Variants in DLGAP2 observed in about 807,000 individuals in gnomAD.
DLGAP2 encodes the protein disks large-associated protein 2.
A neutral mutation model predicts 100.3 loss-of-function variants in DLGAP2; 26 were observed. That is an observed-to-expected ratio of 0.26 (90% CI 0.19 to 0.36). The LOEUF (loss-of-function observed/expected upper bound fraction) is 0.36, where lower values mean the gene tolerates loss of function less well. DLGAP2 is among the 10% of genes least tolerant of loss of function. The pLI, the probability that DLGAP2 is intolerant of heterozygous loss-of-function variation, is 1.00. For synonymous variants in DLGAP2, 886 were observed against 630.1 expected, an observed-to-expected ratio of 1.41 and a Z score of -6.08; for missense variants, 1,858 against 1,453.2, an observed-to-expected ratio of 1.28 and a Z score of -4.53.
chr8:1,171,882 C>T (rs1797136240), intron 2 of DLGAP2, among the ~76,000 whole-genome samples: 1 of 152,122 alleles, frequency 6.6e-6, no homozygotes, highest in Non-Finnish European at 1.5e-5. Flanking sequence ...AGTCCATGTA[C>T]ATTTAAAGTT....
chr8:1,342,670 T>G (rs1801444689), intron 3 of DLGAP2, among the ~76,000 whole-genome samples: 1 of 152,224 alleles, frequency 6.6e-6, no homozygotes. Flanking sequence ...CTGTTATTTC[T>G]CATCCCTAAC....
chr8:749,829 G>A (rs78683197), intron 1 of DLGAP2, among the ~76,000 whole-genome samples: 8,471 of 152,228 alleles, frequency 0.056, 446 homozygotes, highest in Admixed American at 0.16. Context: ...AAGGTATCCT[G>A]GGGCCTGCTC....
At chr8:857,789 T>C (rs1411304856) in intron 1 of DLGAP2, among the ~76,000 whole-genome samples, 1 of 152,044 alleles carries the variant, frequency 6.6e-6, no homozygotes, top group Non-Finnish European at 1.5e-5. Flanking sequence ...ACAGTGCACA[T>C]TTGCCATGCC....
chr8:955,795 C>G (rs921802313), intron 2 of DLGAP2, among the ~76,000 whole-genome samples: 1 of 152,164 alleles, frequency 6.6e-6, no homozygotes, highest in African/African-American at 2.4e-5. Context: ...TTCCCAATAT[C>G]TTACCTTGTT....
intron 3 of DLGAP2, among the ~76,000 whole-genome samples, chr8:1,436,373 A>G (rs1797629097): frequency 6.6e-6 from 1 of 152,208 alleles, no homozygotes; most frequent in African/African-American, 2.4e-5. Flanking sequence ...TGGAAGACTC[A>G]GCCAGTCCAG....
chr8:1,311,053 A>T (rs1175906699), intron 3 of DLGAP2, among the ~76,000 whole-genome samples: 1 of 152,210 alleles, frequency 6.6e-6, no homozygotes, highest in Non-Finnish European at 1.5e-5. Context: ...CAAAGAAAAA[A>T]AAAAGAGAAC....
At chr8:1,279,917 A>G (rs921891408) in intron 3 of DLGAP2, among the ~76,000 whole-genome samples, 1 of 152,206 alleles carries the variant, frequency 6.6e-6, no homozygotes, top group East Asian at 1.9e-4. Flanking sequence ...ACACGTTCAC[A>G]CACAGGCTTG....
intron 2 of DLGAP2, among the ~76,000 whole-genome samples, chr8:926,892 G>A (rs1798827861): frequency 6.6e-6 from 1 of 152,250 alleles, no homozygotes; most frequent in Non-Finnish European, 1.5e-5. Context: ...CAGGAGCGGA[G>A]CGAGCCTCGT....
At chr8:1,489,946 C>T (rs1799331701) in intron 3 of DLGAP2, among the ~76,000 whole-genome samples, 1 of 152,082 alleles carries the variant, frequency 6.6e-6, no homozygotes, top group African/African-American at 2.4e-5. Flanking sequence ...GGCTGGAGTG[C>T]AGTGGCACAA....
intron 2 of DLGAP2, among the ~76,000 whole-genome samples, chr8:1,130,531 C>A (rs1796268968): frequency 6.6e-6 from 1 of 152,138 alleles, no homozygotes. Context: ...GACTCATGCA[C>A]CCATTAGATA....
intron 3 of DLGAP2, among the ~76,000 whole-genome samples, chr8:1,280,509 G>T (rs4072075): frequency 0.68 from 103,255 of 152,124 alleles, 36,286 homozygotes; most frequent in African/African-American, 0.87. Context: ...AAAGGTAATA[G>T]TTTGGGGGTC....
At chr8:1,640,423 G>T (rs34350732) in intron 8 of DLGAP2, among the ~76,000 whole-genome samples, 39,036 of 152,040 alleles carry the variant, frequency 0.26, 5,933 homozygotes, top group African/African-American at 0.42. Context: ...TAGTCCAAAT[G>T]CCAGAAACCT....
chr8:1,501,288 GT>G lies in DLGAP2; in HGVS notation c.107-74del, dbSNP rs1471620583. On this transcript the variant is annotated intron_variant, in intron 3 of 14. Transcript: ENST00000637795. ...ATGTTTGAACTGTTGAGTGTGGAGG[GT>G]TTTGAAGATGTGCAGGGAATGACTG... is the stretch of plus-strand genomic sequence containing the variant. The G allele has an allele frequency of 6.3e-6, 9 of 1,433,838 alleles. No homozygotes were observed. The African/African-American group carries it at 1.3e-4, about 20-fold the overall frequency. The allele number at this position is 1,433,838 out of a possible 1,614,324, so 88.8% of individuals were successfully genotyped here. A position where few individuals can be genotyped will look rare whatever the true frequency, so the allele number is the denominator to read the frequency against.
intron 1 of DLGAP2, among the ~76,000 whole-genome samples, chr8:767,503 C>A (rs950834642): frequency 6.6e-6 from 1 of 151,984 alleles, no homozygotes; most frequent in African/African-American, 2.4e-5. Flanking sequence ...ATTAGAGGCA[C>A]CTGGCACCCT....
intron 3 of DLGAP2, among the ~76,000 whole-genome samples, chr8:1,372,512 C>A (rs1242881874): frequency 6.6e-6 from 1 of 152,176 alleles, no homozygotes; most frequent in Non-Finnish European, 1.5e-5. Context: ...CTGCATAATT[C>A]CTCTTCATGG....
chr8:883,680 G>T (rs1240524985), intron 1 of DLGAP2, among the ~76,000 whole-genome samples: 1 of 152,132 alleles, frequency 6.6e-6, no homozygotes, highest in East Asian at 1.9e-4. Flanking sequence ...CGTGTGCCGC[G>T]GCGGTTCGTT....
chr8:1,329,327 G>C (rs1364163904), intron 3 of DLGAP2, among the ~76,000 whole-genome samples: 1 of 152,150 alleles, frequency 6.6e-6, no homozygotes, highest in Non-Finnish European at 1.5e-5. Context: ...TGAAATTTCT[G>C]GCTGATTGAG....
chr8:780,611 C>T (rs1038681497), intron 1 of DLGAP2, among the ~76,000 whole-genome samples: 2 of 152,204 alleles, frequency 1.3e-5, no homozygotes, highest in African/African-American at 4.8e-5. Flanking sequence ...TCCCCTTCAC[C>T]CATATCCTCA....
chr8:899,555 T>G, intron 1 of DLGAP2, among the ~76,000 whole-genome samples: 1 of 152,198 alleles, frequency 6.6e-6, no homozygotes, highest in East Asian at 1.9e-4. Flanking sequence ...ACCTCATCTC[T>G]TAATTACTTT....
Sources: gnomAD v4.1 joint callset for allele counts (sites outside exome capture counted in the v4.1 genomes callset) on GRCh38, gnomAD v4.1.1 for gene constraint, MANE v1.5 for transcripts, NCBI Gene and HGNC (gene_info 2026-07-23, HGNC 2026-07-21) for gene names.